The following SDCCAG8 variants were observed in gnomAD, a reference collection of about 807,000 sequenced individuals.
The protein encoded by SDCCAG8 is SHH signaling and ciliogenesis regulator SDCCAG8.
In SDCCAG8, 74 loss-of-function variants were observed where a neutral mutation model predicts 101.8. The observed-to-expected ratio is 0.73, with a 90% CI of 0.60 to 0.88. SDCCAG8 has a LOEUF of 0.88. Ranked by LOEUF, SDCCAG8 falls within the 40% of genes least tolerant of loss-of-function variation. The probability of loss-of-function intolerance (pLI) is 0.00; values close to 1 mark genes in which losing one functional copy is unlikely to be tolerated. For missense variants in SDCCAG8, 787 were observed against 822.6 expected, an observed-to-expected ratio of 0.96 and a Z score of 0.53; for synonymous variants, 281 against 292.9, an observed-to-expected ratio of 0.96 and a Z score of 0.41.
At chr1:243,424,103 T>C (rs113210797) in intron 15 of SDCCAG8, among the ~76,000 whole-genome samples, 2,765 of 152,244 alleles carry the variant, frequency 0.018, 38 homozygotes, top group African/African-American at 0.036. Flanking sequence ...TTATACTTTT[T>C]AATTGGAATT....
chr1:243,433,795 G>T (rs183614026), intron 16 of SDCCAG8, among the ~76,000 whole-genome samples: 25 of 152,318 alleles, frequency 1.6e-4, no homozygotes, highest in Admixed American at 1.4e-3. Context: ...CTCACCCCGA[G>T]TATAGGTGTT....
intron 13 of SDCCAG8, among the ~76,000 whole-genome samples, chr1:243,396,371 G>GAACATTAAA (rs1308258601): frequency 6.6e-6 from 1 of 152,124 alleles, no homozygotes; most frequent in Non-Finnish European, 1.5e-5. Flanking sequence ...GAACATTAGT[G>GAACATTAAA]AAACAGAACT....
intron 1 of SDCCAG8, among the ~76,000 whole-genome samples, chr1:243,258,870 G>A (rs1362458657): frequency 6.6e-6 from 1 of 152,082 alleles, no homozygotes; most frequent in African/African-American, 2.4e-5. Context: ...GGTTTTGTTG[G>A]TTTGTTTGGT....
At chr1:243,384,301 A>G (rs1200166713) in intron 13 of SDCCAG8, among the ~76,000 whole-genome samples, 2 of 152,152 alleles carry the variant, frequency 1.3e-5, no homozygotes, top group Non-Finnish European at 2.9e-5. Flanking sequence ...TTCCAAATGT[A>G]TGACTATTCT....
chr1:243,356,732 C>T (rs2076406830), intron 12 of SDCCAG8, among the ~76,000 whole-genome samples: 1 of 152,044 alleles, frequency 6.6e-6, no homozygotes, highest in East Asian at 1.9e-4. Flanking sequence ...CTCCCGTAAT[C>T]TTAGCACTTC....
chr1:243,462,938 G>A (rs566037944), intron 16 of SDCCAG8, among the ~76,000 whole-genome samples: 1 of 152,212 alleles, frequency 6.6e-6, no homozygotes, highest in East Asian at 1.9e-4. Flanking sequence ...CCAACTCTCT[G>A]CTTCCACCAA....
In SDCCAG8 at chr1:243,458,511, C is replaced by G. The variant is rs1277877946; in HGVS notation, c.1986-30503C>G. 6.6e-6 allele frequency among the ~76,000 whole-genome samples: 1 copy of G among 152,094 alleles called. No individual in the cohort carries two copies. Among genetic ancestry groups the G allele is most frequent in the Non-Finnish European group, 1.5e-5 (1 of 68,028 alleles). On this transcript the variant is annotated intron_variant, in intron 16 of 17. Transcript: ENST00000366541. This position sits in a 1 kb window ranked among gnomAD's most constrained non-coding sequence, Gnocchi z 4.5. ...ACCAGCTCCTCTTCTAAGCACTTAC[C>G]TTTTAAACCCACTGAATTTTCATAA...
chr1:243,333,316 A>G (rs957367315), intron 10 of SDCCAG8, among the ~76,000 whole-genome samples: 14 of 152,224 alleles, frequency 9.2e-5, no homozygotes, highest in African/African-American at 2.7e-4. Flanking sequence ...GTTGAAAGGA[A>G]CAATCTTTCT....
At chr1:243,360,958 C>T (rs998777275) in intron 12 of SDCCAG8, among the ~76,000 whole-genome samples, 5 of 152,200 alleles carry the variant, frequency 3.3e-5, no homozygotes, top group Admixed American at 6.5e-5. Context: ...CCTCATGGCA[C>T]GCATCTGCTG....
intron 1 of SDCCAG8, among the ~76,000 whole-genome samples, chr1:243,258,347 C>A (rs1572788240): frequency 6.6e-6 from 1 of 152,156 alleles, no homozygotes; most frequent in East Asian, 1.9e-4. Context: ...ACAGAATTAA[C>A]TCTGAACTTA....
intron 12 of SDCCAG8, among the ~76,000 whole-genome samples, chr1:243,371,077 G>A (rs1167414336): frequency 6.6e-6 from 1 of 152,140 alleles, no homozygotes; most frequent in East Asian, 1.9e-4. Context: ...CTTCTTCAGA[G>A]TGAACCAGGC....
At position 243,471,725 on chromosome 1, in the gene SDCCAG8, G is replaced by C. The variant is rs545487210; in HGVS notation, c.1986-17289G>C. ...AACTGGGAGTTTTACGTCGTCCTAG[G>C]TGTTAAGCACATGAGAAATATGTAG... On this transcript the variant is annotated intron_variant, in intron 16 of 17. Transcript: ENST00000366541. 8.5e-5 allele frequency among the ~76,000 whole-genome samples: 13 copies of C among 152,176 alleles called. No homozygotes were observed. In the South Asian group the frequency reaches 2.7e-3, roughly 32 times the overall value.
At chr1:243,371,428 C>T (rs1300554176) in intron 12 of SDCCAG8, among the ~76,000 whole-genome samples, 1 of 152,052 alleles carries the variant, frequency 6.6e-6, no homozygotes, top group Non-Finnish European at 1.5e-5. Flanking sequence ...GAATAGGATA[C>T]TTATTTTTAT....
intron 10 of SDCCAG8, among the ~76,000 whole-genome samples, chr1:243,334,023 C>T (rs2149353652): frequency 6.6e-6 from 1 of 152,292 alleles, no homozygotes; most frequent in Non-Finnish European, 1.5e-5. Flanking sequence ...CACCTCCTAT[C>T]CCAGTGGATC....
intron 16 of SDCCAG8, among the ~76,000 whole-genome samples, chr1:243,446,427 G>A (rs768162975): frequency 5.3e-5 from 8 of 151,966 alleles, no homozygotes; most frequent in East Asian, 1.9e-4. Flanking sequence ...CCACCATGCC[G>A]GCTAATTTTT....
At chr1:243,312,066 A>G (rs1480010337) in intron 8 of SDCCAG8, among the ~76,000 whole-genome samples, 4 of 152,196 alleles carry the variant, frequency 2.6e-5, no homozygotes, top group African/African-American at 4.8e-5. Context: ...ACCTATTAAC[A>G]CTGAGCGGAT....
At chr1:243,366,883 A>C (rs2077018107) in intron 12 of SDCCAG8, among the ~76,000 whole-genome samples, 1 of 152,080 alleles carries the variant, frequency 6.6e-6, no homozygotes, top group Non-Finnish European at 1.5e-5. Context: ...GGCCATCTGG[A>C]TCATATATAT....
intron 13 of SDCCAG8, among the ~76,000 whole-genome samples, chr1:243,397,654 C>T (rs905678488): frequency 1.3e-5 from 2 of 152,066 alleles, no homozygotes. Flanking sequence ...TTGTGAAGTC[C>T]GGTTTGATTG....
intron 13 of SDCCAG8, among the ~76,000 whole-genome samples, chr1:243,409,427 T>C (rs763543244): frequency 3.9e-5 from 6 of 152,156 alleles, no homozygotes; most frequent in Admixed American, 3.9e-4. Flanking sequence ...CACTTACATG[T>C]ATATTCATAT....
Sources: gnomAD v4.1 joint callset for allele counts (sites outside exome capture counted in the v4.1 genomes callset) on GRCh38, gnomAD v4.1.1 for gene constraint, Gnocchi (gnomAD v3.1) non-coding constraint, MANE v1.5 for transcripts, NCBI Gene and HGNC (gene_info 2026-07-23, HGNC 2026-07-21) for gene names.